DISP3: variants seen among roughly 807,000 people sequenced by gnomAD.
DISP3 encodes protein dispatched homolog 3.
Under a neutral mutation model 135.3 loss-of-function variants are expected in DISP3, and 101 were observed. The observed-to-expected ratio is 0.75, with a 90% CI of 0.64 to 0.88. The LOEUF (loss-of-function observed/expected upper bound fraction) is 0.88. Ranked by LOEUF, DISP3 falls within the 40% of genes least tolerant of loss-of-function variation. The probability of loss-of-function intolerance (pLI) is 0.00; values close to 1 mark genes in which losing one functional copy is unlikely to be tolerated. For missense variants in DISP3, 1,713 were observed against 1,878.6 expected, an observed-to-expected ratio of 0.91 and a Z score of 1.63; for synonymous variants, 856 against 817.0, an observed-to-expected ratio of 1.05 and a Z score of -0.81.
chr1:11,528,171 C>G (rs558964985), intron 13 of DISP3, among the ~76,000 whole-genome samples: 23 of 152,264 alleles, frequency 1.5e-4, no homozygotes, highest in Middle Eastern at 3.4e-3. Context: ...TATTTAATGC[C>G]CCTGCCCCTT....
At chr1:11,514,998 T>C (rs1453075021) in intron 4 of DISP3, among the ~76,000 whole-genome samples, 1 of 152,182 alleles carries the variant, frequency 6.6e-6, no homozygotes, top group Admixed American at 6.5e-5. Context: ...TGGTAATACT[T>C]TCCAAAATGG....
chr1:11,513,579 G>A (rs1422988379), intron 3 of DISP3, among the ~76,000 whole-genome samples: 1 of 151,990 alleles, frequency 6.6e-6, no homozygotes, highest in African/African-American at 2.4e-5. Context: ...CTATTTTTGA[G>A]CAATTTGGTT....
Position 11,520,904 on chromosome 1 carries a change from C to CTGGGTCTT in DISP3, c.2362+58_2362+59insGGTCTTTG. ...CGCTCAGGTGTCCGGGTCCCAAAGA[C>CTGGGTCTT]TGTTGGTCTGAGAGATGCAGGATCC... On this transcript the variant is annotated intron_variant, in intron 10 of 20. Transcript: ENST00000294484. This position sits in a 1 kb window ranked among gnomAD's most constrained non-coding sequence, Gnocchi z 4.8. 6.6e-7 allele frequency: 1 copy of CTGGGTCTT among 1,516,700 alleles called. No homozygotes were observed. Among genetic ancestry groups the CTGGGTCTT allele is most frequent in the Admixed American group, 2.1e-5 (1 of 48,684 alleles). The allele number at this position is 1,516,700 out of a possible 1,614,324, so 94.0% of individuals were successfully genotyped here. A position where few individuals can be genotyped will look rare whatever the true frequency, so the allele number is the denominator to read the frequency against.
At position 11,532,228 on chromosome 1, in the gene DISP3, G is replaced by A. The variant is rs140091504; in HGVS notation, c.3375+518G>A. On this transcript the variant is annotated intron_variant, in intron 17 of 20. Coordinates refer to ENST00000294484, the MANE Select transcript of DISP3 (RefSeq NM_020780.2). ...ACACATGCACACACTCCTGACCTGG[G>A]CACTGTGGGGACTCTCGGCCCTGGC... Among the ~76,000 whole-genome samples, 653 of 152,300 alleles carry A rather than the reference G, an allele frequency of 4.3e-3. 5 individuals are homozygous for A. Among genetic ancestry groups the A allele is most frequent in the African/African-American group, 0.014 (580 of 41,560 alleles).
rs769920986 is a variant in DISP3, at chr1:11,501,673, C to A, written c.681C>A (p.Ser227Arg). ...AAGACCCGCGAAACCAGCGGCTGAG[C>A]AAGAATGGGCGGTACCAGCCCAGCA... ...QSEDPRNQRL[S>R]KNGRYQPSIP... is the part of the protein sequence containing the mutation. The change falls in exon 2 of 21, where the codon AGC becomes AGA. Residue 227 changes from serine to arginine, a missense_variant. By Grantham distance (110) the Ser-to-Arg change is moderately radical. Around this residue, in one of 2 missense-constraint regions of DISP3, gnomAD observed 571 missense variants for 494.1 expected, o/e 1.16. Transcript: ENST00000294484. The surrounding 1 kb of genome is among the most constrained non-coding windows in gnomAD (Gnocchi z 4.9). 1.2e-6 allele frequency: 2 copies of A among 1,606,662 alleles called. No homozygotes were observed. Among genetic ancestry groups the A allele is most frequent in the African/African-American group, 2.7e-5 (2 of 74,848 alleles).
chr1:11,496,288 T>C (rs564104260), intron 1 of DISP3, among the ~76,000 whole-genome samples: 54 of 152,296 alleles, frequency 3.5e-4, no homozygotes, highest in African/African-American at 1.2e-3. Flanking sequence ...TTCGTGGATA[T>C]GCATCCACCT....
At chr1:11,505,129 A>T (rs1321467207) in intron 3 of DISP3, among the ~76,000 whole-genome samples, 2 of 152,252 alleles carry the variant, frequency 1.3e-5, no homozygotes, top group East Asian at 3.8e-4. Context: ...GGCTTGTTAG[A>T]AATGCAGAAG....
Position 11,531,511 on chromosome 1 carries a change from G to A in DISP3, c.3230-54G>A, listed in dbSNP as rs1009221634. The A allele has an allele frequency of 5.0e-6, 8 of 1,611,184 alleles. No individual in the cohort carries two copies. The highest frequency in any genetic ancestry group is 1.7e-5 in the Admixed American group (1 of 59,960). ...TGCGTGGGCACAGGTGTGATGCAGG[G>A]GGACAGGCTCTTCCAGGGCCACCAC... On this transcript the variant is annotated intron_variant, in intron 16 of 20. Coordinates refer to ENST00000294484, the MANE Select transcript of DISP3 (RefSeq NM_020780.2). This position sits in a 1 kb window ranked among gnomAD's most constrained non-coding sequence, Gnocchi z 5.2.
chr1:11,501,769 G>A lies in DISP3; in HGVS notation c.777G>A (p.Ser259=). ...ARRGASRWDY[S]RAYVSANTQT... ...GAGGCGCCTCGCGCTGGGACTACTC[G>A]CGCGCCTATGTGAGTGCCAACACTC... Residue 259 remains serine (S), a synonymous_variant, in exon 2 of 21, where the codon TCG becomes TCA. Transcript: ENST00000294484. The surrounding 1 kb of genome is among the most constrained non-coding windows in gnomAD (Gnocchi z 4.9). The A allele has an allele frequency of 1.9e-6, 3 of 1,593,606 alleles. No individual in the cohort carries two copies. Among genetic ancestry groups the A allele is most frequent in the Non-Finnish European group, 2.6e-6 (3 of 1,168,182 alleles).
At chr1:11,514,350 C>T (rs1158649802) in intron 3 of DISP3, 40 bp from the exon 4 acceptor site, 1 of 1,574,010 alleles carries the variant, frequency 6.4e-7, no homozygotes, top group Non-Finnish European at 8.7e-7. Flanking sequence ...CTCTAATCCT[C>T]TTCCTGTCAT....
At chr1:11,509,280 C>A (rs768779801) in intron 3 of DISP3, among the ~76,000 whole-genome samples, 1 of 150,916 alleles carries the variant, frequency 6.6e-6, no homozygotes, top group East Asian at 1.9e-4. Flanking sequence ...GATATAAGTT[C>A]TTTTAAATTT....
chr1:11,528,399 C>T (rs1642483150), intron 13 of DISP3, among the ~76,000 whole-genome samples: 1 of 152,150 alleles, frequency 6.6e-6, no homozygotes, highest in Non-Finnish European at 1.5e-5. Context: ...CTGTGGAGGC[C>T]ATATTAGCCA....
In DISP3 at chr1:11,491,276, C is replaced by T. The variant is rs557224645; in HGVS notation, c.-3-9714C>T. Among the ~76,000 whole-genome samples the T allele has an allele frequency of 6.6e-6, 1 of 152,074 alleles. No individual in the cohort carries two copies. The highest frequency in any genetic ancestry group is 1.5e-5 in the Non-Finnish European group (1 of 68,032). On this transcript the variant is annotated intron_variant, in intron 1 of 20. Transcript: ENST00000294484. This position sits in a 1 kb window ranked among gnomAD's most constrained non-coding sequence, Gnocchi z 4.3. Reference sequence around the variant, plus strand: ...GGGTTTTCCAAGAATGCTTCTGGACCGCCTGTATCAGAATCACCTGGGGAG... The same window carrying T: ...GGGTTTTCCAAGAATGCTTCTGGACTGCCTGTATCAGAATCACCTGGGGAG...
At position 11,483,379 on chromosome 1, in the gene DISP3, ACATGGACTGT is replaced by A. The variant is rs1640956267; in HGVS notation, c.-4+4009_-4+4018del. 6.6e-6 allele frequency among the ~76,000 whole-genome samples: 1 copy of A among 152,246 alleles called. No individual in the cohort carries two copies. Among genetic ancestry groups the A allele is most frequent in the South Asian group, 2.1e-4 (1 of 4,834 alleles). On this transcript the variant is annotated intron_variant, in intron 1 of 20. Coordinates refer to ENST00000294484, the MANE Select transcript of DISP3 (RefSeq NM_020780.2). The surrounding 1 kb of genome is among the most constrained non-coding windows in gnomAD (Gnocchi z 5.4). Reference sequence around the variant, plus strand: ...ACTATGTGCCAGGTGCTAAGCATTTACATGGACTGTCTCACTTAAGCCTTGCCACCATCTC... The same window carrying A: ...ACTATGTGCCAGGTGCTAAGCATTTACTCACTTAAGCCTTGCCACCATCTC...
At position 11,529,665 on chromosome 1, in the gene DISP3, T is replaced by C; in HGVS notation, c.2908T>C (p.Phe970Leu). The change falls in exon 14 of 21, where the codon TTC (phenylalanine) becomes CTC (leucine). Residue 970 changes from phenylalanine (F) to leucine (L), a missense_variant. Physicochemically the swap from Phe to Leu is conservative, Grantham distance 22. Coordinates refer to ENST00000294484, the MANE Select transcript of DISP3 (RefSeq NM_020780.2). This position sits in a 1 kb window ranked among gnomAD's most constrained non-coding sequence, Gnocchi z 4.7. ...SSPDGPTKGF[F>L]FVPSEKVPKA... is the part of the protein sequence containing the mutation. ...CCCCGATGGGCCTACCAAAGGCTTC[T>C]TCTTCGTGCCTAGTGAGAAAGGTAC... 6.2e-7 allele frequency: 1 copy of C among 1,607,552 alleles called. No homozygotes were observed. The highest frequency in any genetic ancestry group is 8.5e-7 in the Non-Finnish European group (1 of 1,174,872).
Position 11,503,693 on chromosome 1 carries a change from C to G in DISP3, c.1316+796C>G, listed in dbSNP as rs78022699. Among the ~76,000 whole-genome samples the G allele has an allele frequency of 7.9e-3, 1,205 of 152,294 alleles. 15 individuals are homozygous for G. The highest frequency in any genetic ancestry group is 0.028 in the African/African-American group (1,143 of 41,550). On this transcript the variant is annotated intron_variant, in intron 3 of 20. Transcript: ENST00000294484. ...TCTCCTCTGGGAAAACCCACACAGACACACCCAGAGGCAATGCTTTATGAG... is the reference window on the plus strand; with the variant it reads ...TCTCCTCTGGGAAAACCCACACAGAGACACCCAGAGGCAATGCTTTATGAG...
rs938180818 is a variant in DISP3, at chr1:11,499,549, G to A, written c.-3-1441G>A. Among the ~76,000 whole-genome samples, 9 of 152,140 alleles carry A rather than the reference G, an allele frequency of 5.9e-5. No homozygotes were observed. Among genetic ancestry groups the A allele is most frequent in the East Asian group, 1.9e-4 (1 of 5,188 alleles). The stretch of plus-strand genomic sequence containing the variant: ...GGAAGTTTAATTATTTCATTAATAC[G>A]AATCTTGCATATTACAGGAGCAATT... On this transcript the variant is annotated intron_variant, in intron 1 of 20. Transcript: ENST00000294484. The surrounding 1 kb of genome is among the most constrained non-coding windows in gnomAD (Gnocchi z 5.2).
intron 7 of DISP3, 150 bp downstream of exon 7, chr1:11,517,752 A>G: frequency 9.2e-7 from 1 of 1,081,424 alleles, no homozygotes. Flanking sequence ...CTTCCATCCA[A>G]TAACTGCAAT....
intron 12 of DISP3, 113 bp from the exon 13 acceptor site, chr1:11,526,538 G>A: frequency 7.9e-7 from 1 of 1,261,008 alleles, no homozygotes; most frequent in Non-Finnish European, 1.1e-6. Context: ...CAACTCCGAG[G>A]ACTGGGACAG....
Sources: allele counts gnomAD v4.1 joint callset (sites outside exome capture counted in the v4.1 genomes callset), GRCh38; gene constraint gnomAD v4.1.1; regional missense constraint gnomAD v4.1.1; non-coding constraint Gnocchi (gnomAD v3.1); transcripts MANE v1.5; gene names NCBI Gene and HGNC (gene_info 2026-07-23, HGNC 2026-07-21).